Variants in FHIT observed in about 807,000 individuals in gnomAD.
The protein encoded by FHIT is fragile histidine triad diadenosine triphosphatase, also known as bis(5'-adenosyl)-triphosphatase.
A neutral mutation model predicts 17.9 loss-of-function variants in FHIT; 19 were observed. The observed-to-expected ratio is 1.06, with a 90% CI of 0.74 to 1.56. The LOEUF (loss-of-function observed/expected upper bound fraction) is 1.56, where lower values mean the gene tolerates loss of function less well. FHIT is among the 40% of genes most tolerant of loss of function. FHIT has a pLI of 0.00. For missense variants in FHIT, 248 were observed against 189.2 expected (o/e 1.31, Z -1.82); for synonymous variants, 81 against 69.7 (o/e 1.16, Z -0.81).
At chr3:60,318,509 A>G (rs1021066447) in intron 5 of FHIT, among the ~76,000 whole-genome samples, 4 of 152,180 alleles carry the variant, frequency 2.6e-5, no homozygotes, top group African/African-American at 9.6e-5. Context: ...AAACACAGAA[A>G]TAGGTCAAGC....
At chr3:60,413,709 G>T (rs760248994) in intron 5 of FHIT, among the ~76,000 whole-genome samples, 3 of 151,868 alleles carry the variant, frequency 2.0e-5, no homozygotes, top group African/African-American at 4.8e-5. Context: ...CTTTTAAACT[G>T]CTTACAAATT....
chr3:60,333,918 C>G (rs1710112711), intron 5 of FHIT, among the ~76,000 whole-genome samples: 1 of 152,148 alleles, frequency 6.6e-6, no homozygotes, highest in African/African-American at 2.4e-5. Flanking sequence ...TCCTGTTGAT[C>G]AACTTCTCTC....
chr3:60,337,130 T>A (rs10510839), intron 5 of FHIT, among the ~76,000 whole-genome samples: 53,524 of 152,018 alleles, frequency 0.35, 11,061 homozygotes, highest in South Asian at 0.61. Context: ...TTGGGCTAAG[T>A]TCACAATTGA....
At chr3:60,193,527 A>C (rs1702494951) in intron 5 of FHIT, among the ~76,000 whole-genome samples, 1 of 152,208 alleles carries the variant, frequency 6.6e-6, no homozygotes, top group Admixed American at 6.5e-5. Context: ...TTCAAAAAGA[A>C]AATGGACAAC....
chr3:60,027,149 A>AC (rs1466397671), intron 5 of FHIT, among the ~76,000 whole-genome samples: 4 of 109,758 alleles, frequency 3.6e-5, no homozygotes, highest in Admixed American at 3.3e-4. Context: ...ACACACACAC[A>AC]AAATTAGTAA....
intron 5 of FHIT, among the ~76,000 whole-genome samples, chr3:60,242,515 T>C (rs943559539): frequency 1.3e-5 from 2 of 152,150 alleles, no homozygotes; most frequent in Admixed American, 1.3e-4. Flanking sequence ...ATAAATTATA[T>C]TGCCTTCTTC....
At chr3:60,338,529 A>G (rs1710356060) in intron 5 of FHIT, among the ~76,000 whole-genome samples, 1 of 152,190 alleles carries the variant, frequency 6.6e-6, no homozygotes, top group South Asian at 2.1e-4. Context: ...CATAGTATAT[A>G]TGTCAGATTG....
At chr3:61,034,783 A>G (rs2033164253) in intron 3 of FHIT, among the ~76,000 whole-genome samples, 2 of 152,190 alleles carry the variant, frequency 1.3e-5, no homozygotes, top group South Asian at 2.1e-4. Flanking sequence ...ACTGGTAGGT[A>G]TATATCCAAA....
At chr3:59,839,207 A>G (rs1701443563) in intron 8 of FHIT, among the ~76,000 whole-genome samples, 1 of 151,780 alleles carries the variant, frequency 6.6e-6, no homozygotes, top group Admixed American at 6.6e-5. Flanking sequence ...AATCCCACCT[A>G]CTCAGGAGGC....
intron 5 of FHIT, among the ~76,000 whole-genome samples, chr3:60,484,006 A>G (rs1306487565): frequency 1.3e-5 from 2 of 152,112 alleles, no homozygotes; most frequent in African/African-American, 4.8e-5. Context: ...CAATGTGCAA[A>G]AATCACAAGC....
Position 60,009,161 on chromosome 3 carries a change from TTTTATG to T in FHIT, c.279+2204_279+2209del, listed in dbSNP as rs1462719130. Among the ~76,000 whole-genome samples the T allele has an allele frequency of 1.5e-3, 106 of 71,022 alleles. 2 individuals carry two copies. Among genetic ancestry groups the T allele is most frequent in the South Asian group, 1.9e-3 (3 of 1,548 alleles). The allele number at this position is 71,022 out of a possible 152,430, so 46.6% of individuals were successfully genotyped here. A position where few individuals can be genotyped will look rare whatever the true frequency, so the allele number is the denominator to read the frequency against. On this transcript the variant is annotated intron_variant, in intron 7 of 9. Transcript: ENST00000492590. ...TTGGAACCTTCATTGTTCTCTGGGA[TTTTATG>T]TGTGTGTGTGTGTGTGTGTGTGTGT... is the stretch of plus-strand genomic sequence containing the variant.
At chr3:60,497,803 C>T (rs1435732109) in intron 5 of FHIT, among the ~76,000 whole-genome samples, 1 of 152,198 alleles carries the variant, frequency 6.6e-6, no homozygotes, top group Non-Finnish European at 1.5e-5. Context: ...ATCACACACC[C>T]CATCATGCTT....
intron 4 of FHIT, among the ~76,000 whole-genome samples, chr3:60,612,635 G>A (rs182795548): frequency 2.0e-5 from 3 of 152,266 alleles, no homozygotes; most frequent in African/African-American, 7.2e-5. Context: ...AATTGAAGTG[G>A]TGGTAAAAGT....
At chr3:60,671,752 C>T (rs1480487023) in intron 4 of FHIT, among the ~76,000 whole-genome samples, 2 of 145,134 alleles carry the variant, frequency 1.4e-5, no homozygotes, top group Non-Finnish European at 3.0e-5. Context: ...CCAGCCTGAC[C>T]AACATGGTGA....
chr3:61,048,332 G>C (rs558342258), intron 2 of FHIT, among the ~76,000 whole-genome samples: 203 of 152,200 alleles, frequency 1.3e-3, no homozygotes, highest in Middle Eastern at 3.4e-3. Flanking sequence ...TGAACAGACA[G>C]TTCTCAAAAG....
intron 5 of FHIT, among the ~76,000 whole-genome samples, chr3:60,324,102 C>T (rs1007530094): frequency 6.6e-5 from 10 of 152,008 alleles, no homozygotes; most frequent in African/African-American, 2.4e-4. Context: ...TTAGGATACA[C>T]CAGGCATTCA....
chr3:59,918,149 T>C (rs1435233157), intron 8 of FHIT, among the ~76,000 whole-genome samples: 1 of 152,186 alleles, frequency 6.6e-6, no homozygotes, highest in African/African-American at 2.4e-5. Flanking sequence ...TGAAGAGCAA[T>C]ATATAGTCTC....
intron 5 of FHIT, among the ~76,000 whole-genome samples, chr3:60,519,990 T>A (rs1466286050): frequency 6.6e-6 from 1 of 152,180 alleles, no homozygotes. Flanking sequence ...CAATACAAGG[T>A]GGCTACAAAT....
At chr3:60,101,955 T>C (rs1424159767) in intron 5 of FHIT, among the ~76,000 whole-genome samples, 1 of 152,212 alleles carries the variant, frequency 6.6e-6, no homozygotes, top group Non-Finnish European at 1.5e-5. Flanking sequence ...CACTCAAGTC[T>C]AATTCTGCTC....
Sources: allele counts gnomAD v4.1 joint callset (sites outside exome capture counted in the v4.1 genomes callset), GRCh38; gene constraint gnomAD v4.1.1; transcripts MANE v1.5; gene names NCBI Gene and HGNC (gene_info 2026-07-23, HGNC 2026-07-21).